Variants in PEX5L observed in about 807,000 individuals in gnomAD.
PEX5L encodes the protein PEX5-related protein.
PEX5L carries 30 observed loss-of-function variants against 84.0 expected under a neutral mutation model. That is an observed-to-expected ratio of 0.36 (90% confidence interval 0.27 to 0.48). The LOEUF is 0.48. Ranked by LOEUF, PEX5L falls within the 20% of genes least tolerant of loss-of-function variation. The pLI is 0.99. For missense variants in PEX5L, 533 were observed against 754.6 expected (o/e 0.71, Z 3.44); for synonymous variants, 270 against 283.1 (o/e 0.95, Z 0.46).
chr3:179,858,472 A>C (rs1370499859), intron 8 of PEX5L, among the ~76,000 whole-genome samples: 1 of 151,678 alleles, frequency 6.6e-6, no homozygotes, highest in Non-Finnish European at 1.5e-5. Flanking sequence ...CTTTCTTATT[A>C]GAAGACTAAA....
chr3:179,976,469 G>A (rs931434053), intron 1 of PEX5L, among the ~76,000 whole-genome samples: 4 of 151,804 alleles, frequency 2.6e-5, no homozygotes, highest in Admixed American at 6.6e-5. Flanking sequence ...AAGGAGTCTC[G>A]CTCTGTCGCC....
chr3:179,977,178 A>G (rs1785883322), intron 1 of PEX5L, among the ~76,000 whole-genome samples: 1 of 152,236 alleles, frequency 6.6e-6, no homozygotes, highest in Non-Finnish European at 1.5e-5. Flanking sequence ...AAAGAAAAGT[A>G]AACAAAATGT....
At chr3:179,838,961 T>C (rs1038592381) in intron 8 of PEX5L, among the ~76,000 whole-genome samples, 1 of 152,088 alleles carries the variant, frequency 6.6e-6, no homozygotes, top group Admixed American at 6.6e-5. Flanking sequence ...ATGTATTCGT[T>C]GTTATGGAGA....
At chr3:179,950,714 A>C (rs1399745544) in intron 2 of PEX5L, among the ~76,000 whole-genome samples, 2 of 152,158 alleles carry the variant, frequency 1.3e-5, no homozygotes, top group Non-Finnish European at 2.9e-5. Flanking sequence ...ATGTGGAAAC[A>C]AAGGTAAGAT....
chr3:179,875,504 G>A (rs1280694182), intron 5 of PEX5L, 27 bp from the exon 6 acceptor site: 2 of 1,607,834 alleles, frequency 1.2e-6, no homozygotes, highest in South Asian at 1.1e-5. Context: ...AAGCAGGTGA[G>A]GCAGGTGGCG....
chr3:179,983,144 C>T (rs1483073605), intron 1 of PEX5L, among the ~76,000 whole-genome samples: 1 of 151,818 alleles, frequency 6.6e-6, no homozygotes, highest in African/African-American at 2.4e-5. Flanking sequence ...TGTATGCATG[C>T]ATAAATATAC....
At chr3:180,013,972 AT>A (rs761537880) in intron 1 of PEX5L, among the ~76,000 whole-genome samples, 6 of 152,168 alleles carry the variant, frequency 3.9e-5, no homozygotes, top group Non-Finnish European at 8.8e-5. Context: ...TGTTTGTCAT[AT>A]TCCATTGCAA....
chr3:179,803,145 A>C (rs1056226756), intron 14 of PEX5L, among the ~76,000 whole-genome samples: 5 of 152,262 alleles, frequency 3.3e-5, no homozygotes, highest in African/African-American at 1.2e-4. Flanking sequence ...ATATCGCAAC[A>C]GACTGACTGC....
At chr3:179,874,286 T>C (rs536988314) in intron 7 of PEX5L, 41 bp downstream of exon 7, 2 of 1,127,442 alleles carry the variant, frequency 1.8e-6, no homozygotes, top group South Asian at 1.2e-5. Flanking sequence ...ATACACTATA[T>C]ATAGGGAAAG....
chr3:179,878,100 G>A (rs1753041929), intron 5 of PEX5L, among the ~76,000 whole-genome samples: 1 of 152,110 alleles, frequency 6.6e-6, no homozygotes, highest in Non-Finnish European at 1.5e-5. Flanking sequence ...GTCTAATGGA[G>A]GTATCCACAG....
At chr3:179,871,100 C>CTTTTTTTTTTTTT (rs397801213) in intron 7 of PEX5L, among the ~76,000 whole-genome samples, 1 of 95,032 alleles carries the variant, frequency 1.1e-5, no homozygotes. Context: ...TTGAGTTATA[C>CTTTTTTTTTTTTT]TTTTTTTTTT....
intron 7 of PEX5L, among the ~76,000 whole-genome samples, chr3:179,861,959 T>C (rs558489728): frequency 3.3e-4 from 51 of 152,330 alleles, no homozygotes; most frequent in African/African-American, 1.2e-3. Context: ...TTATGGCTAG[T>C]GTAACAAATA....
At chr3:179,887,805 G>A in intron 3 of PEX5L, 21 bp from the exon 4 acceptor site, 1 of 1,505,870 alleles carries the variant, frequency 6.6e-7, no homozygotes, top group Non-Finnish European at 9.2e-7. Context: ...ATGAACAGAG[G>A]TGTCAAAGGG....
intron 11 of PEX5L, among the ~76,000 whole-genome samples, chr3:179,810,455 C>G (rs568230062): frequency 3.9e-5 from 6 of 152,302 alleles, no homozygotes; most frequent in Non-Finnish European, 8.8e-5. Context: ...ACAGGAGACA[C>G]AGGCTAAAGC....
chr3:179,849,436 C>T (rs1740926288), intron 8 of PEX5L, among the ~76,000 whole-genome samples: 1 of 152,170 alleles, frequency 6.6e-6, no homozygotes, highest in Non-Finnish European at 1.5e-5. Context: ...TTCAACCACG[C>T]ATTTTACTAA....
In PEX5L at chr3:179,957,374, G is replaced by A. The variant is rs557179663; in HGVS notation, c.93+14220C>T. On this transcript the variant is annotated intron_variant, in intron 2 of 14. Coordinates refer to ENST00000467460, the MANE Select transcript of PEX5L (RefSeq NM_016559.3). ...AAGGCTCAGGGAGGAAGGCTGGGGC[G>A]CTGCTTTTGGGAGGATCACAGAAGG... Among the ~76,000 whole-genome samples, 21 of 152,244 alleles carry A rather than the reference G, an allele frequency of 1.4e-4. 1 individual carries two copies. The highest frequency in any genetic ancestry group is 7.2e-4 in the Admixed American group (11 of 15,284).
At chr3:180,029,411 A>G (rs541632812) in intron 1 of PEX5L, among the ~76,000 whole-genome samples, 2 of 152,288 alleles carry the variant, frequency 1.3e-5, no homozygotes, top group East Asian at 3.9e-4. Context: ...AAAACTATGT[A>G]TTTATTTATT....
chr3:179,970,234 T>C (rs1276765205), intron 2 of PEX5L, among the ~76,000 whole-genome samples: 1 of 152,170 alleles, frequency 6.6e-6, no homozygotes, highest in Non-Finnish European at 1.5e-5. Context: ...ATCTGTATTC[T>C]CATAATATAC....
At chr3:179,957,240 T>C (rs1180278037) in intron 2 of PEX5L, among the ~76,000 whole-genome samples, 1 of 152,174 alleles carries the variant, frequency 6.6e-6, no homozygotes, top group Non-Finnish European at 1.5e-5. Flanking sequence ...TGATACTTTC[T>C]CTCTTGTCCA....
Sources: allele counts gnomAD v4.1 joint callset (sites outside exome capture counted in the v4.1 genomes callset), GRCh38; gene constraint gnomAD v4.1.1; transcripts MANE v1.5; gene names NCBI Gene and HGNC (gene_info 2026-07-23, HGNC 2026-07-21).